The following HTR1F variants were observed in gnomAD, a reference collection of about 807,000 sequenced individuals.
The protein encoded by HTR1F is 5-hydroxytryptamine (serotonin) receptor 1F, G protein-coupled.
A neutral mutation model predicts 24.0 loss-of-function variants in HTR1F; 17 were observed. The observed-to-expected ratio is 0.71, with a 90% CI of 0.48 to 1.06. HTR1F has a LOEUF of 1.06. HTR1F is among the 50% of genes least tolerant of loss of function. The probability of loss-of-function intolerance (pLI) is 0.00; values close to 1 mark genes in which losing one functional copy is unlikely to be tolerated. For synonymous variants in HTR1F, 186 were observed against 156.8 expected, an observed-to-expected ratio of 1.19 and a Z score of -1.39; for missense variants, 391 against 427.8, an observed-to-expected ratio of 0.91 and a Z score of 0.76.
rs144290411 is a variant in HTR1F, at chr3:87,818,284, A to G, written c.-159-3724A>G. ...TAGATACCAGAGAGTTTTAAAAATA[A>G]TAGGTGCACAAGGGAATGGGCATAA... On this transcript the variant is annotated intron_variant, in intron 1 of 2. Coordinates refer to ENST00000319595, the MANE Select transcript of HTR1F (RefSeq NM_001322209.2). Among the ~76,000 whole-genome samples the G allele has an allele frequency of 3.8e-3, 585 of 152,342 alleles. 6 individuals carry two copies. The highest frequency in any genetic ancestry group is 0.014 in the African/African-American group (562 of 41,578).
chr3:87,976,165 T>C (rs1705390914), intron 2 of HTR1F, among the ~76,000 whole-genome samples: 1 of 152,198 alleles, frequency 6.6e-6, no homozygotes, highest in Admixed American at 6.5e-5. Context: ...TGAATACTTT[T>C]AATTTAACAT....
intron 2 of HTR1F, among the ~76,000 whole-genome samples, chr3:87,938,067 G>A (rs948837540): frequency 6.6e-6 from 1 of 152,054 alleles, no homozygotes; most frequent in African/African-American, 2.4e-5. Context: ...AGCTTCTTAA[G>A]CTGATAAACA....
At chr3:87,832,509 G>A (rs1704603801) in intron 2 of HTR1F, among the ~76,000 whole-genome samples, 1 of 151,904 alleles carries the variant, frequency 6.6e-6, no homozygotes, top group Admixed American at 6.6e-5. Context: ...TTGTATTTTA[G>A]TAGAGACGGG....
At chr3:87,824,664 A>G (rs533286993) in intron 2 of HTR1F, among the ~76,000 whole-genome samples, 11 of 152,322 alleles carry the variant, frequency 7.2e-5, no homozygotes, top group African/African-American at 2.4e-4. Context: ...GATGGGAATG[A>G]GATTGACAGC....
At chr3:87,816,808 G>A (rs1704258566) in intron 1 of HTR1F, among the ~76,000 whole-genome samples, 1 of 152,012 alleles carries the variant, frequency 6.6e-6, no homozygotes. Flanking sequence ...TGTTTAACTA[G>A]CAAATGAAAG....
intron 2 of HTR1F, among the ~76,000 whole-genome samples, chr3:87,966,702 T>C (rs1448907253): frequency 1.3e-5 from 2 of 152,232 alleles, no homozygotes; most frequent in Non-Finnish European, 2.9e-5. Context: ...ACATACTTCT[T>C]AAGACTCATA....
intron 1 of HTR1F, among the ~76,000 whole-genome samples, chr3:87,807,693 G>T (rs1177619930): frequency 6.6e-6 from 1 of 151,850 alleles, no homozygotes; most frequent in East Asian, 1.9e-4. Flanking sequence ...TCCTCATCTT[G>T]TTCTAGTTAT....
chr3:87,910,424 A>G (rs530845636), intron 2 of HTR1F: 79 of 152,166 alleles, frequency 5.2e-4, no homozygotes, highest in African/African-American at 1.9e-3. Flanking sequence ...AAACCTAACT[A>G]TCGTAAATAT....
intron 2 of HTR1F, among the ~76,000 whole-genome samples, chr3:87,864,245 A>T (rs1304948429): frequency 6.6e-6 from 1 of 152,152 alleles, no homozygotes; most frequent in Non-Finnish European, 1.5e-5. Flanking sequence ...TAGAACATGG[A>T]CAGTTTGGGA....
chr3:87,931,508 T>TA (rs1192895223), intron 2 of HTR1F, among the ~76,000 whole-genome samples: 3 of 152,198 alleles, frequency 2.0e-5, no homozygotes. Context: ...GCAATAAACA[T>TA]ACGTGTGCAT....
At chr3:87,986,096 G>A (rs551950461) in intron 2 of HTR1F, among the ~76,000 whole-genome samples, 1 of 152,256 alleles carries the variant, frequency 6.6e-6, no homozygotes, top group African/African-American at 2.4e-5. Context: ...TGTTCTAAGA[G>A]TAGGAGGGAC....
intron 2 of HTR1F, among the ~76,000 whole-genome samples, chr3:87,963,606 T>A (rs1705107384): frequency 6.6e-6 from 1 of 152,178 alleles, no homozygotes; most frequent in South Asian, 2.1e-4. Flanking sequence ...TTGACATTTC[T>A]GTGGGCCTCA....
chr3:87,962,076 C>T (rs1294436671), intron 2 of HTR1F, among the ~76,000 whole-genome samples: 1 of 152,014 alleles, frequency 6.6e-6, no homozygotes, highest in Non-Finnish European at 1.5e-5. Flanking sequence ...AAATGACGTA[C>T]ATTGAATATA....
intron 2 of HTR1F, among the ~76,000 whole-genome samples, chr3:87,919,726 T>G (rs1703970653): frequency 6.6e-6 from 1 of 152,010 alleles, no homozygotes; most frequent in South Asian, 2.1e-4. Context: ...TAGTAGATGT[T>G]GGCGTGGATG....
At chr3:87,875,273 C>T (rs1383741247) in intron 2 of HTR1F, among the ~76,000 whole-genome samples, 6 of 151,426 alleles carry the variant, frequency 4.0e-5, no homozygotes. Flanking sequence ...CAACATGGTG[C>T]AACCTGTCTC....
chr3:87,799,211 T>C (rs1415721086), intron 1 of HTR1F, among the ~76,000 whole-genome samples: 1 of 152,206 alleles, frequency 6.6e-6, no homozygotes, highest in Non-Finnish European at 1.5e-5. Context: ...AATGAGATGA[T>C]GAATCCTAGT....
intron 2 of HTR1F, among the ~76,000 whole-genome samples, chr3:87,893,595 CGAA>C (rs1179975512): frequency 8.5e-5 from 13 of 152,254 alleles, no homozygotes; most frequent in African/African-American, 2.2e-4. Context: ...TGCCTGACCA[CGAA>C]GAAGAAGTGT....
intron 2 of HTR1F, among the ~76,000 whole-genome samples, chr3:87,824,644 A>T (rs747706913): frequency 6.6e-6 from 1 of 152,206 alleles, no homozygotes; most frequent in Non-Finnish European, 1.5e-5. Context: ...AATGAAACAG[A>T]CCTAGAATTG....
chr3:87,815,992 A>C (rs1321055822), intron 1 of HTR1F, among the ~76,000 whole-genome samples: 1 of 152,114 alleles, frequency 6.6e-6, no homozygotes, highest in African/African-American at 2.4e-5. Flanking sequence ...CATGAAATGC[A>C]CTAGTTTAGA....
Sources: gnomAD v4.1 joint callset for allele counts (sites outside exome capture counted in the v4.1 genomes callset) on GRCh38, gnomAD v4.1.1 for gene constraint, MANE v1.5 for transcripts, NCBI Gene and HGNC (gene_info 2026-07-23, HGNC 2026-07-21) for gene names.